PTCH1: variants seen among roughly 807,000 people sequenced by gnomAD.
PTCH1 encodes the protein patched 1, also known as protein patched homolog 1.
Under a neutral mutation model 144.6 loss-of-function variants are expected in PTCH1, and 14 were observed. The ratio of observed to expected loss-of-function variants is 0.10; its 90% CI spans 0.06 to 0.15. PTCH1 has a LOEUF of 0.15. PTCH1 is among the 10% of genes least tolerant of loss of function. PTCH1 has a pLI of 1.00. For synonymous variants in PTCH1, 833 were observed against 793.6 expected (o/e 1.05, Z -0.83); for missense variants, 1,623 against 1,948.3 (o/e 0.83, Z 3.14).
Position 95,461,964 on chromosome 9 carries a change from G to A in PTCH1, c.2595C>T (p.Thr865=), listed in dbSNP as rs144512837. 5.9e-5 allele frequency: 95 copies of A among 1,614,042 alleles called. 1 individual carries two copies. The highest frequency in any genetic ancestry group is 1.6e-4 in the Middle Eastern group (1 of 6,084). Residue 865 remains threonine, a synonymous_variant, in exon 16 of 24, where the codon ACC becomes ACT. Coordinates refer to ENST00000331920, the MANE Select transcript of PTCH1 (RefSeq NM_000264.5). ...LQDAFDSDWE[T]GKIMPNNYKN... ...TGTAATTGTTTGGCATGATTTTCCC[G>A]GTTTCCCAGTCACTGTCAAATGCAT...
rs187306499 is a variant in PTCH1 at position 95,479,804 on chromosome 9, G to A, written c.1067+165C>T. 4.4e-6 allele frequency: 5 copies of A among 1,125,566 alleles called. No homozygotes were observed. The East Asian group carries it at 9.9e-5, about 22-fold the overall frequency. The allele number at this position is 1,125,566 out of a possible 1,614,324, so 69.7% of individuals were successfully genotyped here. On this transcript the variant is annotated intron_variant, in intron 7 of 23. Coordinates refer to ENST00000331920, the MANE Select transcript of PTCH1 (RefSeq NM_000264.5). ...TCCCCACAAGGTGCTTTTTCAAGCT[G>A]TTGCAGTCTGCTACTATTTCTTAAT...
At chr9:95,486,881 C>A (rs890748791) in intron 2 of PTCH1, among the ~76,000 whole-genome samples, 4 of 152,204 alleles carry the variant, frequency 2.6e-5, no homozygotes, top group African/African-American at 9.6e-5. Context: ...AGAGCTCCCC[C>A]ACTCCACAGT....
At chr9:95,510,853 G>T (rs1844114263), upstream of PTCH1, among the ~76,000 whole-genome samples, 1 of 151,060 alleles carries the variant, frequency 6.6e-6, no homozygotes, top group African/African-American at 2.4e-5. Flanking sequence ...GGCCCGGTGC[G>T]CGCGCGCGCC....
At chr9:95,464,321 T>G (rs1023355231) in intron 15 of PTCH1, among the ~76,000 whole-genome samples, 7 of 152,226 alleles carry the variant, frequency 4.6e-5, no homozygotes, top group Non-Finnish European at 8.8e-5. Context: ...CCACTGCCCT[T>G]TAGCCAGTGC....
intron 16 of PTCH1, among the ~76,000 whole-genome samples, chr9:95,460,203 G>A (rs975041118): frequency 2.0e-5 from 3 of 152,226 alleles, no homozygotes; most frequent in Non-Finnish European, 4.4e-5. Context: ...CCAGTAAATG[G>A]AGGAGAGCTA....
chr9:95,502,167 C>T (rs1351109008), intron 2 of PTCH1, among the ~76,000 whole-genome samples: 1 of 152,196 alleles, frequency 6.6e-6, no homozygotes, highest in Non-Finnish European at 1.5e-5. Flanking sequence ...CCCTGAATGC[C>T]CCCTACCCTC....
In PTCH1 at chr9:95,449,308, C is replaced by A. The variant is rs767535853; in HGVS notation, c.3565G>T (p.Gly1189Cys). 12 of 1,552,332 alleles carry A rather than the reference C, an allele frequency of 7.7e-6. No homozygotes were observed. The African/African-American group carries it at 1.5e-4, about 19-fold the overall frequency. Residue 1189 changes from glycine to cysteine, a missense_variant, in exon 22 of 24, where the codon GGC becomes TGC. Transcript: ENST00000331920. The surrounding 1 kb of genome is among the most constrained non-coding windows in gnomAD (Gnocchi z 5.3). The part of the protein sequence containing the change: ...GPYPEVSPAN[G>C]LNRLPTPSPE... Reference sequence around the variant, plus strand: ...GAGGGTGTGGGCAGGCGGTTCAAGCCGTTGGCTGGAGACACCTATTTAAGG... The same window carrying A: ...GAGGGTGTGGGCAGGCGGTTCAAGCAGTTGGCTGGAGACACCTATTTAAGG...
rs1429444084 is a variant in PTCH1, at chr9:95,453,553, G to A, written c.3374C>T (p.Pro1125Leu). ...AGTGGACACGGCGCCATCCAGGACG[G>A]GTGCAAACATGTGCTCCAGGGCAAG... Reference protein sequence around the residue: ...AVLALEHMFAPVLDGAVSTLL... With the variant: ...AVLALEHMFALVLDGAVSTLL... Residue 1125 changes from proline to leucine, a missense_variant, in exon 20 of 24, where the codon CCC becomes CTC. This residue lies in a region of PTCH1 where 504 missense variants were observed against 679.3 expected (regional missense o/e 0.74). Transcript: ENST00000331920. 1 of 1,614,094 alleles carries A rather than the reference G, an allele frequency of 6.2e-7. No individual in the cohort carries two copies. Among genetic ancestry groups the A allele is most frequent in the Admixed American group, 1.7e-5 (1 of 60,028 alleles).
At chr9:95,469,385 C>A (rs770669032) in intron 13 of PTCH1, among the ~76,000 whole-genome samples, 7 of 152,126 alleles carry the variant, frequency 4.6e-5, no homozygotes, top group Non-Finnish European at 8.8e-5. Flanking sequence ...GAGGACTGAT[C>A]CTAAATTTGG....
chr9:95,480,542 G>T lies in PTCH1; in HGVS notation c.793C>A (p.Leu265Met), dbSNP rs2118425472. ...RWTNFDPLEF[L>M]EELKKINYQV... ...TAGTTTATTTTCTTTAACTCTTCCA[G>T]GAATTCCAAAGGGTCGAAGTTTGTC... The change falls in exon 6 of 24, where the codon CTG (leucine) becomes ATG (methionine). Residue 265 changes from leucine (L) to methionine (M), a missense_variant. Leu to Met is a conservative substitution (Grantham distance 15). This residue lies in a region of PTCH1 where 230 missense variants were observed against 271.0 expected (regional missense o/e 0.85). Transcript: ENST00000331920. The T allele has an allele frequency of 6.2e-7, 1 of 1,613,428 alleles. No homozygotes were observed. The highest frequency in any genetic ancestry group is 8.5e-7 in the Non-Finnish European group (1 of 1,179,944).
At chr9:95,508,055 G>T in intron 1 of PTCH1, 106 bp downstream of exon 1, 3 of 1,556,458 alleles carry the variant, frequency 1.9e-6, no homozygotes, top group Non-Finnish European at 2.6e-6. Context: ...GTGTGTGTGT[G>T]TGTGAGAGAG....
At chr9:95,460,074 A>G (rs765455981) in intron 16 of PTCH1, 1 of 452,108 alleles carries the variant, frequency 2.2e-6, no homozygotes, top group Non-Finnish European at 4.1e-6. Context: ...GCCAAGGCAG[A>G]GAATGAACAA....
chr9:95,502,192 T>C (rs1240581887), intron 2 of PTCH1, among the ~76,000 whole-genome samples: 1 of 152,196 alleles, frequency 6.6e-6, no homozygotes, highest in East Asian at 1.9e-4. Flanking sequence ...CTCCAGCCCC[T>C]GTGCCTAGCT....
Position 95,458,319 on chromosome 9 carries a change from G to C in PTCH1, c.2888-26C>G. ...CTGGACAGAGAAGGGCACAGGTTAG[G>C]AGCAGCCCAGGGTAGAAGAGCATCA... On this transcript the variant is annotated intron_variant, in intron 17 of 23. Transcript: ENST00000331920. The surrounding 1 kb of genome is among the most constrained non-coding windows in gnomAD (Gnocchi z 4.7). The C allele has an allele frequency of 6.2e-7, 1 of 1,611,252 alleles. No individual in the cohort carries two copies. Among genetic ancestry groups the C allele is most frequent in the South Asian group, 1.1e-5 (1 of 90,528 alleles).
intron 12 of PTCH1, 43 bp from the exon 13 acceptor site, chr9:95,469,974 G>A (rs1321442769): frequency 8.7e-6 from 12 of 1,386,048 alleles, no homozygotes; most frequent in East Asian, 2.3e-5. Flanking sequence ...ACATGCCTCC[G>A]CCCAATCAGA....
At chr9:95,505,273 T>A (rs1335755383) in intron 2 of PTCH1, among the ~76,000 whole-genome samples, 6 of 152,208 alleles carry the variant, frequency 3.9e-5, no homozygotes, top group Non-Finnish European at 7.3e-5. Flanking sequence ...TTCCACATGC[T>A]GTCCGGAGGA....
chr9:95,465,580 T>A (rs929328578), intron 15 of PTCH1, among the ~76,000 whole-genome samples: 2 of 152,190 alleles, frequency 1.3e-5, no homozygotes, highest in Non-Finnish European at 2.9e-5. Flanking sequence ...GACACAAAGT[T>A]CTGGTAAACA....
chr9:95,486,659 G>A lies in PTCH1; in HGVS notation c.395-785C>T, dbSNP rs530105594. On this transcript the variant is annotated intron_variant, in intron 2 of 23. Transcript: ENST00000331920. Reference sequence around the variant, plus strand: ...AGCTTTCCAGCAAGCTGGCCAGCACGGGGTATGCCCAAAGCCAGCGCAGGA... The same window carrying A: ...AGCTTTCCAGCAAGCTGGCCAGCACAGGGTATGCCCAAAGCCAGCGCAGGA... Among the ~76,000 whole-genome samples, 9 of 152,380 alleles carry A rather than the reference G, an allele frequency of 5.9e-5. No homozygotes were observed. In the South Asian group the frequency reaches 1.7e-3, roughly 28 times the overall value.
chr9:95,494,741 G>A (rs1401725766), intron 2 of PTCH1, among the ~76,000 whole-genome samples: 1 of 152,162 alleles, frequency 6.6e-6, no homozygotes, highest in Non-Finnish European at 1.5e-5. Flanking sequence ...TTTTCATCAA[G>A]CTTAGTTGAA....
Sources: gnomAD v4.1 joint callset for allele counts (sites outside exome capture counted in the v4.1 genomes callset) on GRCh38, gnomAD v4.1.1 for gene constraint, gnomAD v4.1.1 regional missense constraint, Gnocchi (gnomAD v3.1) non-coding constraint, MANE v1.5 for transcripts, NCBI Gene and HGNC (gene_info 2026-07-23, HGNC 2026-07-21) for gene names.